CSMD3: variants seen among roughly 807,000 people sequenced by gnomAD.
CSMD3 encodes the protein CUB and sushi domain-containing protein 3.
In CSMD3, 177 loss-of-function variants were observed where a neutral mutation model predicts 435.2. The observed-to-expected ratio is 0.41, with a 90% CI of 0.36 to 0.46. The LOEUF (loss-of-function observed/expected upper bound fraction) is 0.46. CSMD3 is among the 20% of genes least tolerant of loss of function. The pLI is 0.34. For synonymous variants in CSMD3, 1,656 were observed against 1,520.5 expected (o/e 1.09, Z -2.07); for missense variants, 4,265 against 4,504.6 (o/e 0.95, Z 1.52).
intron 1 of CSMD3, among the ~76,000 whole-genome samples, chr8:113,321,008 T>C (rs1431466443): frequency 6.6e-6 from 1 of 152,034 alleles, no homozygotes; most frequent in African/African-American, 2.4e-5. Flanking sequence ...CTATCTCTAG[T>C]CCCCTCTTTG....
At chr8:113,048,093 T>C (rs894963326) in intron 5 of CSMD3, among the ~76,000 whole-genome samples, 3 of 148,320 alleles carry the variant, frequency 2.0e-5, no homozygotes, top group African/African-American at 7.5e-5. Context: ...CTTTTTTTTT[T>C]TTTTTTTTTT....
intron 32 of CSMD3, among the ~76,000 whole-genome samples, chr8:112,455,993 A>G (rs1445501912): frequency 6.6e-6 from 1 of 152,102 alleles, no homozygotes; most frequent in Non-Finnish European, 1.5e-5. Context: ...GTCTAGTTTT[A>G]TTCATATAAA....
At chr8:113,434,270 C>G (rs79855638) in intron 1 of CSMD3, among the ~76,000 whole-genome samples, 1 of 152,164 alleles carries the variant, frequency 6.6e-6, no homozygotes, top group Non-Finnish European at 1.5e-5. Context: ...TTAGAACCTG[C>G]AAAATCCTTA....
At chr8:112,890,701 A>C (rs1447589728) in intron 10 of CSMD3, among the ~76,000 whole-genome samples, 2 of 151,714 alleles carry the variant, frequency 1.3e-5, no homozygotes, top group Admixed American at 6.6e-5. Context: ...ACTTTCACTA[A>C]TATGCGACTT....
intron 4 of CSMD3, among the ~76,000 whole-genome samples, chr8:113,118,597 G>T (rs76190910): frequency 3.7e-3 from 548 of 146,862 alleles, no homozygotes; most frequent in Admixed American, 7.0e-3. Context: ...AGTAGGTCGA[G>T]GTTGCAGTGA....
At chr8:113,417,124 T>C (rs953370719) in intron 1 of CSMD3, among the ~76,000 whole-genome samples, 1 of 152,010 alleles carries the variant, frequency 6.6e-6, no homozygotes, top group Non-Finnish European at 1.5e-5. Context: ...TAACAGGCAA[T>C]GGTGCCTCTA....
At chr8:112,508,192 G>C (rs1034297032) in intron 28 of CSMD3, among the ~76,000 whole-genome samples, 1 of 151,876 alleles carries the variant, frequency 6.6e-6, no homozygotes, top group Non-Finnish European at 1.5e-5. Flanking sequence ...CCACAAACAC[G>C]CTCAGGTTTC....
intron 38 of CSMD3, among the ~76,000 whole-genome samples, chr8:112,374,826 A>T (rs1362650725): frequency 6.6e-6 from 1 of 152,188 alleles, no homozygotes; most frequent in Non-Finnish European, 1.5e-5. Context: ...CAGATTGCAT[A>T]AATATCCTGC....
At chr8:113,068,989 A>G (rs1015493650) in intron 5 of CSMD3, among the ~76,000 whole-genome samples, 4 of 151,754 alleles carry the variant, frequency 2.6e-5, no homozygotes, top group Admixed American at 6.6e-5. Context: ...GTAAGGAAAC[A>G]GTTACTAGGG....
chr8:112,937,859 A>G (rs950177388), intron 9 of CSMD3, among the ~76,000 whole-genome samples: 4 of 152,178 alleles, frequency 2.6e-5, no homozygotes, highest in African/African-American at 9.6e-5. Flanking sequence ...AAGCATCTAA[A>G]CATTTTTTGG....
intron 32 of CSMD3, among the ~76,000 whole-genome samples, chr8:112,458,187 A>G (rs1050386174): frequency 6.7e-6 from 1 of 149,724 alleles, no homozygotes; most frequent in Non-Finnish European, 1.5e-5. Flanking sequence ...AGTCCCCTTC[A>G]AATACGTACA....
chr8:113,111,980 T>A (rs1268340955), intron 4 of CSMD3, among the ~76,000 whole-genome samples: 1 of 151,950 alleles, frequency 6.6e-6, no homozygotes, highest in African/African-American at 2.4e-5. Context: ...TGCGCCTGGC[T>A]GTGTTGCTCT....
chr8:112,687,814 AG>A, intron 14 of CSMD3, among the ~76,000 whole-genome samples: 1 of 152,228 alleles, frequency 6.6e-6, no homozygotes, highest in South Asian at 2.1e-4. Context: ...TTCATATTTA[AG>A]GGGAAAACAT....
Position 113,436,865 on chromosome 8 carries a change from AGCTCCTAATTCCT to A in CSMD3, c.-24_-12del. The A allele has an allele frequency of 3.7e-6, 6 of 1,613,578 alleles. No homozygotes were observed. The highest frequency in any genetic ancestry group is 5.1e-6 in the Non-Finnish European group (6 of 1,180,016). Reference sequence around the variant, plus strand: ...GCGGATCCCTTTCATATTATTCGCGAGCTCCTAATTCCTGCTCCTCAGCCCGGCGCAGTGGAGT... The same window carrying A: ...GCGGATCCCTTTCATATTATTCGCGAGCTCCTCAGCCCGGCGCAGTGGAGT... On this transcript the variant is annotated 5_prime_UTR_variant, in exon 1 of 71. Coordinates refer to ENST00000297405, the MANE Select transcript of CSMD3 (RefSeq NM_198123.2).
chr8:112,580,761 A>G (rs530974804), intron 23 of CSMD3, among the ~76,000 whole-genome samples: 2 of 152,094 alleles, frequency 1.3e-5, no homozygotes, highest in Non-Finnish European at 2.9e-5. Flanking sequence ...ACTTCAGACC[A>G]AGTAGCAAAT....
intron 38 of CSMD3, among the ~76,000 whole-genome samples, chr8:112,369,157 G>A (rs1464355463): frequency 6.6e-6 from 1 of 151,980 alleles, no homozygotes; most frequent in African/African-American, 2.4e-5. Context: ...GTCAATGTGA[G>A]CCTCAAATAT....
At chr8:113,136,598 G>C (rs1399893904) in intron 4 of CSMD3, among the ~76,000 whole-genome samples, 1 of 151,626 alleles carries the variant, frequency 6.6e-6, no homozygotes, top group Non-Finnish European at 1.5e-5. Context: ...CGGCGACATA[G>C]GCAAAGCTAG....
intron 3 of CSMD3, among the ~76,000 whole-genome samples, chr8:113,247,677 T>C (rs2093289807): frequency 6.6e-6 from 1 of 152,256 alleles, no homozygotes; most frequent in Admixed American, 6.6e-5. Context: ...TTGGTTGTCA[T>C]AAATTTCAAA....
At chr8:112,971,887 T>C (rs1033078539) in intron 7 of CSMD3, among the ~76,000 whole-genome samples, 2 of 152,124 alleles carry the variant, frequency 1.3e-5, no homozygotes, top group African/African-American at 4.8e-5. Flanking sequence ...AAATTGTTGA[T>C]GTTTTAACTA....
Sources: allele counts gnomAD v4.1 joint callset (sites outside exome capture counted in the v4.1 genomes callset), GRCh38; gene constraint gnomAD v4.1.1; transcripts MANE v1.5; gene names NCBI Gene and HGNC (gene_info 2026-07-23, HGNC 2026-07-21).